CRY1: variants seen among roughly 807,000 people sequenced by gnomAD.
CRY1 encodes cryptochrome-1.
In CRY1, 45 loss-of-function variants were observed where a neutral mutation model predicts 76.0. The ratio of observed to expected loss-of-function variants is 0.59; its 90% CI spans 0.47 to 0.76. The LOEUF is 0.76. CRY1 is among the 30% of genes least tolerant of loss of function. The probability of loss-of-function intolerance (pLI) is 0.00; values close to 1 mark genes in which losing one functional copy is unlikely to be tolerated. For missense variants in CRY1, 587 were observed against 716.4 expected, an observed-to-expected ratio of 0.82 and a Z score of 2.06; for synonymous variants, 248 against 244.0, an observed-to-expected ratio of 1.02 and a Z score of -0.15.
rs367771853 is a variant in CRY1 at position 107,055,595 on chromosome 12, A to G, written c.159-33403T>C. Among the ~76,000 whole-genome samples the G allele has an allele frequency of 8.0e-5, 12 of 150,918 alleles. No individual in the cohort carries two copies. In the East Asian group the frequency reaches 1.9e-3, roughly 24 times the overall value. The stretch of plus-strand genomic sequence containing the variant: ...AAATAAAATTAACACATTCTGAAAT[A>G]AAAAACAAACCTACCATAGTGAAGG... On this transcript the variant is annotated intron_variant, in intron 1 of 12. Transcript: ENST00000008527.
intron 1 of CRY1, among the ~76,000 whole-genome samples, chr12:107,083,410 T>C (rs779291825): frequency 6.6e-6 from 1 of 152,132 alleles, no homozygotes; most frequent in Non-Finnish European, 1.5e-5. Context: ...TTCAGGTCAA[T>C]ATCCCCAATG....
chr12:107,004,683 A>AG (rs779684243), intron 3 of CRY1, among the ~76,000 whole-genome samples: 27 of 152,218 alleles, frequency 1.8e-4, no homozygotes, highest in Non-Finnish European at 3.5e-4. Flanking sequence ...GACAGACATA[A>AG]TAGATATACA....
chr12:106,997,343 G>A lies in CRY1; in HGVS notation c.1536C>T (p.Gly512=). The change falls in exon 10 of 13, where the codon GGC becomes GGT. Residue 512 remains glycine, a synonymous_variant. Transcript: ENST00000008527. ...SVPSNPNGNG[G]FMGYSAENIP... is the part of the protein sequence containing the mutation. ...TATTTTCTGCAGAATATCCCATGAA[G>A]CCTCCATTCCCATTAGGATTAGAAG... The A allele has an allele frequency of 6.2e-7, 1 of 1,613,950 alleles. No individual in the cohort carries two copies.
intron 1 of CRY1, among the ~76,000 whole-genome samples, chr12:107,085,789 T>C (rs954057622): frequency 6.6e-6 from 1 of 151,880 alleles, no homozygotes; most frequent in African/African-American, 2.4e-5. Context: ...GTAACAAACC[T>C]GCAGGTTCTG....
chr12:107,073,090 C>T (rs1284679255), intron 1 of CRY1: 1 of 151,476 alleles, frequency 6.6e-6, no homozygotes, highest in Non-Finnish European at 1.5e-5. Flanking sequence ...GTAAATAAAA[C>T]TCTAAATGTA....
chr12:107,019,527 C>T (rs1952530739), intron 2 of CRY1, among the ~76,000 whole-genome samples: 1 of 151,902 alleles, frequency 6.6e-6, no homozygotes. Flanking sequence ...ATAGTTTGGC[C>T]CAATAATGTG....
chr12:107,029,311 C>T (rs369894054), intron 1 of CRY1, among the ~76,000 whole-genome samples: 33 of 152,264 alleles, frequency 2.2e-4, no homozygotes, highest in South Asian at 4.1e-4. Flanking sequence ...TGACAACTGG[C>T]CGGACACAGG....
chr12:107,052,789 C>T (rs1167122710), intron 1 of CRY1, among the ~76,000 whole-genome samples: 2 of 152,174 alleles, frequency 1.3e-5, no homozygotes, highest in Non-Finnish European at 1.5e-5. Flanking sequence ...ACCAGTATGG[C>T]CACAGCACAG....
At chr12:107,028,899 T>C (rs1952645703) in intron 1 of CRY1, among the ~76,000 whole-genome samples, 1 of 152,206 alleles carries the variant, frequency 6.6e-6, no homozygotes, top group African/African-American at 2.4e-5. Flanking sequence ...ATATAGGTGA[T>C]AAATACATTC....
rs1952178514 is a variant in CRY1 at position 106,991,375 on chromosome 12, C to T, written c.*627G>A. 1 of 152,380 alleles carries T rather than the reference C, an allele frequency of 6.6e-6. No homozygotes were observed. The highest frequency in any genetic ancestry group is 2.1e-4 in the South Asian group (1 of 4,828). The allele number at this position is 152,380 out of a possible 1,614,324, so 9.4% of individuals were successfully genotyped here. On this transcript the variant is annotated 3_prime_UTR_variant, in exon 13 of 13. Transcript: ENST00000008527. The stretch of plus-strand genomic sequence containing the variant: ...ACACGTACACAAGATTTCATATTTG[C>T]ATATACTTTAATAACAAGTTCATTT...
chr12:107,054,865 C>T (rs1420726631), intron 1 of CRY1, among the ~76,000 whole-genome samples: 1 of 151,942 alleles, frequency 6.6e-6, no homozygotes, highest in Non-Finnish European at 1.5e-5. Flanking sequence ...CTTCACTTCA[C>T]CAGGAGAACA....
intron 1 of CRY1, among the ~76,000 whole-genome samples, chr12:107,065,364 G>A (rs372700981): frequency 2.5e-4 from 38 of 152,206 alleles, no homozygotes; most frequent in African/African-American, 6.7e-4. Flanking sequence ...AAGCCAAGGC[G>A]GGCGGATAAC....
intron 1 of CRY1, among the ~76,000 whole-genome samples, chr12:107,059,244 T>C (rs776156938): frequency 7.9e-5 from 12 of 152,062 alleles, no homozygotes; most frequent in African/African-American, 1.5e-4. Flanking sequence ...AAATGGGACA[T>C]GAATAGAGAT....
intron 1 of CRY1, among the ~76,000 whole-genome samples, chr12:107,025,563 C>G (rs952397791): frequency 6.6e-6 from 1 of 152,134 alleles, no homozygotes; most frequent in Non-Finnish European, 1.5e-5. Context: ...ATAGTAAGCA[C>G]AATTATATGT....
rs1953487989 is a variant in CRY1 at position 107,092,805 on chromosome 12, G to A, written c.157C>T (p.Arg53Ter). Residue 53 changes from arginine (R) to a stop codon, truncating the protein, a stop_gained and splice_region_variant, in exon 1 of 13, where the codon CGA becomes TGA. Transcript: ENST00000008527. LOFTEE classifies it high-confidence loss of function. ...GSSNVGINRW[R>*]FLLQCLEDLD... ...ATTTCCCACGGGCTTGTGACTCACC[G>A]CCACCTGTTGATGCCCACATTGGAG... is the stretch of plus-strand genomic sequence containing the variant. The A allele has an allele frequency of 6.2e-7, 1 of 1,611,350 alleles. No individual in the cohort carries two copies. Among genetic ancestry groups the A allele is most frequent in the Non-Finnish European group, 8.5e-7 (1 of 1,179,716 alleles).
At chr12:107,001,413 T>G in intron 4 of CRY1, 45 bp from the exon 5 acceptor site, 2 of 1,498,460 alleles carry the variant, frequency 1.3e-6, no homozygotes, top group Non-Finnish European at 1.8e-6. Context: ...CGAAACTAAT[T>G]TTTATTTAAC....
rs374560442 is a variant in CRY1 at position 107,051,090 on chromosome 12, T to C, written c.159-28898A>G. Among the ~76,000 whole-genome samples the C allele has an allele frequency of 9.2e-5, 14 of 152,288 alleles. No homozygotes were observed. In the East Asian group the frequency reaches 2.3e-3, roughly 25 times the overall value. On this transcript the variant is annotated intron_variant, in intron 1 of 12. Transcript: ENST00000008527. Reference sequence around the variant, plus strand: ...AGTTTAAAAATTTCAAACAAGAGGGTTATGAACCTGTCATGGACTGAAAAC... The same window carrying C: ...AGTTTAAAAATTTCAAACAAGAGGGCTATGAACCTGTCATGGACTGAAAAC...
At position 107,093,059 on chromosome 12, in the gene CRY1, G is replaced by C. The variant is rs1953495119; in HGVS notation, c.-98C>G. The C allele has an allele frequency of 1.5e-6, 2 of 1,373,692 alleles. No individual in the cohort carries two copies. Among genetic ancestry groups the C allele is most frequent in the East Asian group, 5.2e-5 (2 of 38,334 alleles). The allele number at this position is 1,373,692 out of a possible 1,614,324, so 85.1% of individuals were successfully genotyped here. On this transcript the variant is annotated 5_prime_UTR_variant, in exon 1 of 13. Transcript: ENST00000008527. The stretch of plus-strand genomic sequence containing the variant: ...CTTCCAAGAGAATTGCCTCACCCGG[G>C]GCGTGAGGAAAGGGCGGCAGAGGGG...
At chr12:107,054,501 A>G (rs1028460808) in intron 1 of CRY1, among the ~76,000 whole-genome samples, 1 of 151,808 alleles carries the variant, frequency 6.6e-6, no homozygotes, top group African/African-American at 2.4e-5. Flanking sequence ...ACACAAAATA[A>G]TATGACAATA....
Sources: allele counts gnomAD v4.1 joint callset (sites outside exome capture counted in the v4.1 genomes callset), GRCh38; gene constraint gnomAD v4.1.1; transcripts MANE v1.5; gene names NCBI Gene and HGNC (gene_info 2026-07-23, HGNC 2026-07-21).